Variants in NRXN3 observed in about 807,000 individuals in gnomAD.
NRXN3 encodes the protein neurexin 3.
NRXN3 carries 32 observed loss-of-function variants against 137.6 expected under a neutral mutation model. The observed-to-expected ratio is 0.23, with a 90% CI of 0.18 to 0.31. The LOEUF (loss-of-function observed/expected upper bound fraction) is 0.31, where lower values mean the gene tolerates loss of function less well. Ranked by LOEUF, NRXN3 falls within the 10% of genes least tolerant of loss-of-function variation. NRXN3 has a pLI of 1.00. For missense variants in NRXN3, 1,574 were observed against 2,062.5 expected, an observed-to-expected ratio of 0.76 and a Z score of 4.59; for synonymous variants, 798 against 784.5, an observed-to-expected ratio of 1.02 and a Z score of -0.29.
rs148855829 is a variant in NRXN3, at chr14:78,339,304, G to C, written c.757+41444G>C. On this transcript the variant is annotated intron_variant, in intron 4 of 20. Coordinates refer to ENST00000335750, the MANE Select transcript of NRXN3 (RefSeq NM_001330195.2). ...AGAAACTGAAGCACAGAAATGTTTA[G>C]AATCTTGCTCAAAGTCTCAAAGCTA... 5.2e-3 allele frequency among the ~76,000 whole-genome samples: 793 copies of C among 152,276 alleles called. 10 individuals carry two copies. The highest frequency in any genetic ancestry group is 0.018 in the African/African-American group (756 of 41,540).
At chr14:79,499,806 G>A (rs2096801696) in intron 16 of NRXN3, among the ~76,000 whole-genome samples, 1 of 152,052 alleles carries the variant, frequency 6.6e-6, no homozygotes, top group Admixed American at 6.6e-5. Context: ...TTGCTTCTAC[G>A]AACAAGGTAA....
At chr14:78,599,542 T>C (rs2097185829) in intron 4 of NRXN3, among the ~76,000 whole-genome samples, 1 of 152,242 alleles carries the variant, frequency 6.6e-6, no homozygotes, top group African/African-American at 2.4e-5. Context: ...ATGCTTTGTC[T>C]GTACACTTCT....
chr14:79,742,069 G>C (rs750265635), intron 19 of NRXN3, among the ~76,000 whole-genome samples: 1 of 151,988 alleles, frequency 6.6e-6, no homozygotes, highest in Non-Finnish European at 1.5e-5. Context: ...ATATAATTAC[G>C]GTCACTGTGC....
At chr14:79,033,838 A>G (rs1372620785) in intron 15 of NRXN3, among the ~76,000 whole-genome samples, 4 of 152,110 alleles carry the variant, frequency 2.6e-5, no homozygotes, top group African/African-American at 4.8e-5. Flanking sequence ...CTCTGGGTAG[A>G]CTAGTTTCAG....
chr14:78,300,139 A>G (rs1406321127), intron 4 of NRXN3, among the ~76,000 whole-genome samples: 1 of 152,170 alleles, frequency 6.6e-6, no homozygotes, highest in African/African-American at 2.4e-5. Context: ...AATCTTAACA[A>G]TTTATTTTTG....
At chr14:79,669,720 G>A (rs1196573957) in intron 17 of NRXN3, among the ~76,000 whole-genome samples, 1 of 151,964 alleles carries the variant, frequency 6.6e-6, no homozygotes, top group Non-Finnish European at 1.5e-5. Context: ...CTGGGGTGTG[G>A]TCCATGGATC....
At chr14:78,646,732 A>G (rs908386171) in intron 5 of NRXN3, among the ~76,000 whole-genome samples, 1 of 152,204 alleles carries the variant, frequency 6.6e-6, no homozygotes, top group Admixed American at 6.5e-5. Flanking sequence ...GCATCTTGAC[A>G]TTCATGAATC....
chr14:79,593,397 G>T (rs527631499), intron 16 of NRXN3, among the ~76,000 whole-genome samples: 1 of 152,090 alleles, frequency 6.6e-6, no homozygotes, highest in African/African-American at 2.4e-5. Context: ...TTGGGAGGCC[G>T]AGGCGTGCGG....
chr14:78,293,800 T>C (rs2076037460), intron 3 of NRXN3, among the ~76,000 whole-genome samples: 1 of 152,242 alleles, frequency 6.6e-6, no homozygotes, highest in South Asian at 2.1e-4. Flanking sequence ...CTCTGATTCT[T>C]AGGATCATCT....
chr14:78,222,810 T>C (rs1379999643), intron 1 of NRXN3, among the ~76,000 whole-genome samples: 2 of 152,224 alleles, frequency 1.3e-5, no homozygotes, highest in Non-Finnish European at 1.5e-5. Flanking sequence ...TGATCTTCAC[T>C]TTCCCACTAG....
In NRXN3 at chr14:79,793,363, C is replaced by T. The variant is rs371477215; in HGVS notation, c.4015-11749C>T. The stretch of plus-strand genomic sequence containing the variant: ...CCGGGAGGCGGAGCTTGCAGTGAGC[C>T]GAGATCAAGCCACTGCTCTCCAGCC... On this transcript the variant is annotated intron_variant, in intron 19 of 20. Transcript: ENST00000335750. 2.8e-4 allele frequency among the ~76,000 whole-genome samples: 42 copies of T among 152,196 alleles called. No individual in the cohort carries two copies. The East Asian group carries it at 5.8e-3, about 21-fold the overall frequency.
chr14:78,726,507 C>T (rs1420084498), intron 8 of NRXN3, among the ~76,000 whole-genome samples: 1 of 128,552 alleles, frequency 7.8e-6, no homozygotes, highest in East Asian at 2.5e-4. Flanking sequence ...TAACATTTAC[C>T]ATTTTAGCTT....
chr14:78,302,624 C>G (rs1389389717), intron 4 of NRXN3, among the ~76,000 whole-genome samples: 1 of 152,206 alleles, frequency 6.6e-6, no homozygotes, highest in Non-Finnish European at 1.5e-5. Context: ...GCATATGTCT[C>G]TGTAAATGCC....
At chr14:78,805,314 T>C (rs1207614458) in intron 9 of NRXN3, among the ~76,000 whole-genome samples, 2 of 152,170 alleles carry the variant, frequency 1.3e-5, no homozygotes, top group Non-Finnish European at 2.9e-5. Context: ...TTTTTTCTTT[T>C]GCTGGATCTT....
At chr14:78,213,770 A>G (rs2062981179) in intron 1 of NRXN3, among the ~76,000 whole-genome samples, 1 of 152,044 alleles carries the variant, frequency 6.6e-6, no homozygotes, top group Admixed American at 6.5e-5. Context: ...CTCATAGGGG[A>G]GGGCCAGGCC....
At chr14:78,368,284 G>A (rs1261346282) in intron 4 of NRXN3, among the ~76,000 whole-genome samples, 1 of 152,214 alleles carries the variant, frequency 6.6e-6, no homozygotes, top group African/African-American at 2.4e-5. Context: ...AGTTACTGAG[G>A]TATGGAGCGT....
chr14:79,003,540 T>C (rs1304702980), intron 15 of NRXN3, among the ~76,000 whole-genome samples: 1 of 152,158 alleles, frequency 6.6e-6, no homozygotes, highest in Non-Finnish European at 1.5e-5. Flanking sequence ...TGCTTTAACA[T>C]GAAACGTGAG....
intron 15 of NRXN3, among the ~76,000 whole-genome samples, chr14:79,399,958 T>G (rs2095143553): frequency 6.6e-6 from 1 of 152,196 alleles, no homozygotes; most frequent in African/African-American, 2.4e-5. Context: ...TCCCTGTTTC[T>G]GTGGTTGCAA....
At chr14:78,194,100 G>A (rs2061002687) in intron 1 of NRXN3, among the ~76,000 whole-genome samples, 1 of 152,202 alleles carries the variant, frequency 6.6e-6, no homozygotes, top group Admixed American at 6.5e-5. Context: ...AGGACATGAT[G>A]TGCGACCCAC....
Sources: gnomAD v4.1 joint callset for allele counts (sites outside exome capture counted in the v4.1 genomes callset) on GRCh38, gnomAD v4.1.1 for gene constraint, MANE v1.5 for transcripts, NCBI Gene and HGNC (gene_info 2026-07-23, HGNC 2026-07-21) for gene names.